Variants in PCDHGB1 observed in about 807,000 individuals in gnomAD.
PCDHGB1 encodes the protein protocadherin gamma-B1.
Under a neutral mutation model 56.6 loss-of-function variants are expected in PCDHGB1, and 34 were observed. The observed-to-expected ratio is 0.60, with a 90% confidence interval of 0.46 to 0.80. The LOEUF is 0.80. PCDHGB1 is among the 30% of genes least tolerant of loss of function. The pLI is 0.00. For synonymous variants in PCDHGB1, 561 were observed against 505.9 expected, an observed-to-expected ratio of 1.11 and a Z score of -1.46; for missense variants, 1,278 against 1,204.6, an observed-to-expected ratio of 1.06 and a Z score of -0.90.
At chr5:141,398,864 T>A (rs1399067876) in intron 1 of PCDHGB1, 1 of 1,613,768 alleles carries the variant, frequency 6.2e-7, no homozygotes, top group Non-Finnish European at 8.5e-7. Context: ...AACCGAGACG[T>A]GTACAGAGTC....
chr5:141,430,830 G>C, intron 1 of PCDHGB1: 1 of 1,554,968 alleles, frequency 6.4e-7, no homozygotes, highest in Non-Finnish European at 8.7e-7. Context: ...GGGACTCTGT[G>C]GGAGACCGGA....
In PCDHGB1 at chr5:141,486,531, C is replaced by T; in HGVS notation, c.2410-8276C>T. The T allele has an allele frequency of 6.2e-7, 1 of 1,614,062 alleles. No homozygotes were observed. Among genetic ancestry groups the T allele is most frequent in the Non-Finnish European group, 8.5e-7 (1 of 1,180,020 alleles). Reference sequence around the variant, plus strand: ...ATTTCAGATGTGAATGATAATCCACCCTCTTTCTTTCAGAGGTCACATGAG... The same window carrying T: ...ATTTCAGATGTGAATGATAATCCACTCTCTTTCTTTCAGAGGTCACATGAG... On this transcript the variant is annotated intron_variant, in intron 1 of 3. Transcript: ENST00000523390. This position sits in a 1 kb window ranked among gnomAD's most constrained non-coding sequence, Gnocchi z 5.0.
intron 1 of PCDHGB1, among the ~76,000 whole-genome samples, chr5:141,462,574 C>T (rs1308899602): frequency 2.0e-5 from 3 of 152,036 alleles, no homozygotes; most frequent in Non-Finnish European, 4.4e-5. Context: ...TTGCTAATCC[C>T]ATCCAGTGAA....
At position 141,418,260 on chromosome 5, in the gene PCDHGB1, G is replaced by C. The variant is rs144490159; in HGVS notation, c.2409+65591G>C. On this transcript the variant is annotated intron_variant, in intron 1 of 3. Transcript: ENST00000523390. Reference sequence around the variant, plus strand: ...GTTAATGACCACGCCCCTCAATTCCGGAAAGATGAAATAAACTTAGAAATC... The same window carrying C: ...GTTAATGACCACGCCCCTCAATTCCCGAAAGATGAAATAAACTTAGAAATC... 2.5e-6 allele frequency: 4 copies of C among 1,613,888 alleles called. No individual in the cohort carries two copies. Among genetic ancestry groups the C allele is most frequent in the South Asian group, 1.1e-5 (1 of 91,088 alleles).
At chr5:141,399,927 G>A (rs918358571) in intron 1 of PCDHGB1, 7 of 1,612,226 alleles carry the variant, frequency 4.3e-6, no homozygotes, top group Non-Finnish European at 5.1e-6. Flanking sequence ...ACGCCTGGCT[G>A]TCCTACCACG....
intron 1 of PCDHGB1, chr5:141,430,711 C>T (rs2097304226): frequency 1.3e-6 from 2 of 1,483,856 alleles, no homozygotes; most frequent in African/African-American, 2.8e-5. Context: ...CTGCTCCTGA[C>T]TTCAGTGGTT....
At chr5:141,366,447 C>T in intron 1 of PCDHGB1, 1 of 1,614,210 alleles carries the variant, frequency 6.2e-7, no homozygotes, top group South Asian at 1.1e-5. Flanking sequence ...GTCTTCCTGG[C>T]CTTCGTCATC....
In PCDHGB1 at chr5:141,486,819, T is replaced by TG; in HGVS notation, c.2410-7988_2410-7987insG. 6.2e-7 allele frequency: 1 copy of TG among 1,614,212 alleles called. No homozygotes were observed. Among genetic ancestry groups the TG allele is most frequent in the Non-Finnish European group, 8.5e-7 (1 of 1,180,034 alleles). On this transcript the variant is annotated intron_variant, in intron 1 of 3. Coordinates refer to ENST00000523390, the MANE Select transcript of PCDHGB1 (RefSeq NM_018922.3). The surrounding 1 kb of genome is among the most constrained non-coding windows in gnomAD (Gnocchi z 5.0). ...GGCAACCCACCCCTTAGCAGCACTG[T>TG]AACAGTTCGTCTATTTGTGCTGGAC...
intron 1 of PCDHGB1, among the ~76,000 whole-genome samples, chr5:141,434,567 C>T (rs1220152239): frequency 6.6e-6 from 1 of 152,206 alleles, no homozygotes; most frequent in East Asian, 1.9e-4. Flanking sequence ...TAAGGACATG[C>T]CCCTGCTGCA....
At chr5:141,353,118 T>G (rs1281945055) in intron 1 of PCDHGB1, among the ~76,000 whole-genome samples, 2 of 152,234 alleles carry the variant, frequency 1.3e-5, no homozygotes, top group Admixed American at 6.5e-5. Flanking sequence ...GAGATTGCTT[T>G]CTTGATTGCT....
Position 141,490,667 on chromosome 5 carries a change from T to C in PCDHGB1, c.2410-4140T>C, listed in dbSNP as rs906656199. The stretch of plus-strand genomic sequence containing the variant: ...CCTCCGGGCTCCCTTCTTTGCACTG[T>C]GGCTGCCTCAGATCCAGACACTGGG... On this transcript the variant is annotated intron_variant, in intron 1 of 3. Transcript: ENST00000523390. This position sits in a 1 kb window ranked among gnomAD's most constrained non-coding sequence, Gnocchi z 5.4. The C allele has an allele frequency of 6.8e-6, 11 of 1,614,206 alleles. 1 individual carries two copies. The highest frequency in any genetic ancestry group is 4.5e-5 in the East Asian group (2 of 44,876).
At chr5:141,371,900 G>T in intron 1 of PCDHGB1, 4 of 1,613,378 alleles carry the variant, frequency 2.5e-6, no homozygotes, top group Middle Eastern at 1.6e-4. Flanking sequence ...GGGAGCTGTC[G>T]TCCTACGTGT....
rs139156138 is a variant in PCDHGB1 at position 141,472,179 on chromosome 5, T to C, written c.2410-22628T>C. 5.1e-4 allele frequency among the ~76,000 whole-genome samples: 77 copies of C among 152,246 alleles called. 4 individuals are homozygous for C. The East Asian group carries it at 0.014, about 27-fold the overall frequency. On this transcript the variant is annotated intron_variant, in intron 1 of 3. Coordinates refer to ENST00000523390, the MANE Select transcript of PCDHGB1 (RefSeq NM_018922.3). ...TAGCTACTAGGTGTAATATCCAGTATTGGAATTTGAATCTTTTTGACACTA... is the reference window on the plus strand; with the variant it reads ...TAGCTACTAGGTGTAATATCCAGTACTGGAATTTGAATCTTTTTGACACTA...
intron 1 of PCDHGB1, chr5:141,405,129 G>A (rs755961534): frequency 9.9e-6 from 16 of 1,613,846 alleles, no homozygotes; most frequent in Middle Eastern, 3.3e-4. Context: ...CATCTGCTGC[G>A]GGCTACCAGT....
chr5:141,351,058 G>A lies in PCDHGB1; in HGVS notation c.798G>A (p.Gln266=). The A allele has an allele frequency of 6.2e-7, 1 of 1,614,064 alleles. No individual in the cohort carries two copies. The highest frequency in any genetic ancestry group is 1.3e-5 in the African/African-American group (1 of 75,072). ...TSVLRVMATD[Q]DEGINAEITY... is the part of the protein sequence containing the mutation. ...TGCTGCGGGTGATGGCCACAGACCA[G>A]GATGAGGGCATTAATGCAGAGATCA... Residue 266 remains glutamine (Q), a synonymous_variant, in exon 1 of 4, where the codon CAG becomes CAA. Coordinates refer to ENST00000523390, the MANE Select transcript of PCDHGB1 (RefSeq NM_018922.3).
At chr5:141,390,385 C>A in intron 1 of PCDHGB1, 1 of 1,430,582 alleles carries the variant, frequency 7.0e-7, no homozygotes, top group Non-Finnish European at 9.5e-7. Context: ...TTTTAGATGT[C>A]ATGGATCATT....
In PCDHGB1 at chr5:141,431,819, A is replaced by C. The variant is rs2097420237; in HGVS notation, c.2410-62988A>C. On this transcript the variant is annotated intron_variant, in intron 1 of 3. Transcript: ENST00000523390. The surrounding 1 kb of genome is among the most constrained non-coding windows in gnomAD (Gnocchi z 4.8). ...AGAAGTGGTCCTCACCTCTCTCGCC[A>C]GCTCGGTTCCCGAAAACTCTCCCAG... 6.2e-7 allele frequency: 1 copy of C among 1,614,154 alleles called. No individual in the cohort carries two copies. Among genetic ancestry groups the C allele is most frequent in the Admixed American group, 1.7e-5 (1 of 60,018 alleles).
intron 1 of PCDHGB1, chr5:141,405,178 T>C (rs769150671): frequency 3.1e-6 from 5 of 1,613,890 alleles, no homozygotes; most frequent in African/African-American, 2.7e-5. Flanking sequence ...ACTTTGTGGG[T>C]GTAGATGGGG....
intron 1 of PCDHGB1, chr5:141,360,159 C>A (rs1325055088): frequency 9.3e-6 from 15 of 1,604,390 alleles, no homozygotes; most frequent in East Asian, 2.2e-5. Flanking sequence ...CAGGGAGGTG[C>A]GGGCTGGTGC....
Sources: allele counts gnomAD v4.1 joint callset (sites outside exome capture counted in the v4.1 genomes callset), GRCh38; gene constraint gnomAD v4.1.1; non-coding constraint Gnocchi (gnomAD v3.1); transcripts MANE v1.5; gene names NCBI Gene and HGNC (gene_info 2026-07-23, HGNC 2026-07-21).